Variants in OASL observed in about 807,000 individuals in gnomAD.
OASL encodes the protein 2'-5'-oligoadenylate synthase-like protein.
OASL carries 28 observed loss-of-function variants against 35.3 expected under a neutral mutation model. The ratio of observed to expected loss-of-function variants is 0.79; its 90% confidence interval spans 0.59 to 1.09. The LOEUF is 1.09. Among genes scored for constraint, OASL ranks in the 50% least tolerant of loss-of-function variants. The pLI is 0.00. For missense variants in OASL, 620 were observed against 635.2 expected (o/e 0.98, Z 0.26); for synonymous variants, 252 against 254.6 (o/e 0.99, Z 0.10).
At chr12:121,025,074 G>T (rs1869426005) in intron 4 of OASL, among the ~76,000 whole-genome samples, 1 of 147,438 alleles carries the variant, frequency 6.8e-6, no homozygotes, top group Non-Finnish European at 1.5e-5. Flanking sequence ...CACCTCCCGG[G>T]TTCAGCCAAT....
intron 5 of OASL, among the ~76,000 whole-genome samples, chr12:121,022,500 G>A (rs760030616): frequency 6.6e-5 from 10 of 152,216 alleles, no homozygotes; most frequent in South Asian, 4.1e-4. Context: ...GATTACAGGC[G>A]TGCGCCACTG....
At chr12:121,024,682 A>G (rs972785525) in intron 4 of OASL, among the ~76,000 whole-genome samples, 3 of 151,982 alleles carry the variant, frequency 2.0e-5, no homozygotes, top group Non-Finnish European at 4.4e-5. Context: ...TAGGGGGAGA[A>G]TGAGGCCCCA....
At chr12:121,029,768 A>G (rs576231255) in intron 3 of OASL, among the ~76,000 whole-genome samples, 31 of 152,298 alleles carry the variant, frequency 2.0e-4, no homozygotes, top group African/African-American at 7.0e-4. Flanking sequence ...TTTGTAAACC[A>G]TAACTAATAA....
At chr12:121,027,647 G>A (rs763320516) in exon 4 of OASL, 7 of 1,614,198 alleles carry the variant, frequency 4.3e-6, no homozygotes, top group South Asian at 3.3e-5. Flanking sequence ...ACTTGGTCCA[G>A]TAGATACAGA....
intron 5 of OASL, among the ~76,000 whole-genome samples, chr12:121,022,321 G>A (rs1869278326): frequency 6.6e-6 from 1 of 152,132 alleles, no homozygotes; most frequent in Admixed American, 6.5e-5. Flanking sequence ...TCTTGACCTC[G>A]TGATCTGCCC....
chr12:121,033,340 A>T, intron 2 of OASL, 121 bp downstream of exon 2: 1 of 992,318 alleles, frequency 1.0e-6, no homozygotes, highest in Non-Finnish European at 1.5e-6. Context: ...CCCCAAGCAT[A>T]GGACACAGAT....
intron 1 of OASL, among the ~76,000 whole-genome samples, chr12:121,033,969 C>T (rs755221277): frequency 6.6e-6 from 1 of 152,082 alleles, no homozygotes; most frequent in Non-Finnish European, 1.5e-5. Context: ...TTGACACTTC[C>T]CTGTTTCTTA....
At chr12:121,025,723 C>T (rs142621142) in intron 4 of OASL, among the ~76,000 whole-genome samples, 3 of 150,662 alleles carry the variant, frequency 2.0e-5, no homozygotes, top group East Asian at 3.9e-4. Context: ...GATCGTGCCA[C>T]TGAACTCCAG....
At chr12:121,033,641 G>C in exon 2 of OASL, 1 of 1,614,142 alleles carries the variant, frequency 6.2e-7, no homozygotes, top group Non-Finnish European at 8.5e-7. Flanking sequence ...ACATCTTTGT[G>C]ATGCTTGGCT....
At chr12:121,023,709 A>T (rs563048740) in intron 5 of OASL, 1 of 324,094 alleles carries the variant, frequency 3.1e-6, no homozygotes, top group Admixed American at 4.1e-5. Context: ...GGCTGGACCC[A>T]ACTCACGCAA....
Position 121,023,985 on chromosome 12 carries a change from A to G in OASL, c.1047+5T>C, listed in dbSNP as rs200933224. 35 of 1,614,008 alleles carry G rather than the reference A, an allele frequency of 2.2e-5. No individual in the cohort carries two copies. In the Admixed American group the frequency reaches 3.3e-4, roughly 15 times the overall value. On this transcript the variant is annotated splice_donor_5th_base_variant and intron_variant, in intron 5 of 5. Transcript: ENST00000257570. ...GCCCTTGACAGCCCAGAGAGGAGCC[A>G]TTACCTTCACGTTCCAGCTGGAGAT... is the stretch of plus-strand genomic sequence containing the variant.
At chr12:121,022,580 G>T (rs574340411) in intron 5 of OASL, among the ~76,000 whole-genome samples, 3 of 152,160 alleles carry the variant, frequency 2.0e-5, no homozygotes, top group Non-Finnish European at 4.4e-5. Context: ...CCATGGGTGG[G>T]CCTCCTCATT....
At position 121,032,215 on chromosome 12, in the gene OASL, C is replaced by T. The variant is rs141656979; in HGVS notation, c.482-598G>A. On this transcript the variant is annotated intron_variant, in intron 2 of 5. Coordinates refer to ENST00000257570, the Ensembl canonical transcript of OASL. ...CTCAAAAAATATATATATATATAAACTCATAGGGAGAACCAGGAACCAGTT... is the reference window on the plus strand; with the variant it reads ...CTCAAAAAATATATATATATATAAATTCATAGGGAGAACCAGGAACCAGTT... Among the ~76,000 whole-genome samples the T allele has an allele frequency of 1.4e-3, 210 of 149,798 alleles. 1 individual carries two copies. Among genetic ancestry groups the T allele is most frequent in the Non-Finnish European group, 2.6e-3 (174 of 67,164 alleles).
At chr12:121,020,782 C>A in exon 6 of OASL, 1 of 1,614,084 alleles carries the variant, frequency 6.2e-7, no homozygotes, top group Non-Finnish European at 8.5e-7. Context: ...CTCCCACCAT[C>A]AGGATTCTTC....
chr12:121,031,297 T>C (rs1869718477), intron 3 of OASL, 145 bp downstream of exon 3: 2 of 730,894 alleles, frequency 2.7e-6, no homozygotes, highest in South Asian at 1.9e-5. Flanking sequence ...GGTTTCACTT[T>C]ACATTTCAAA....
At chr12:121,024,640 T>G (rs1869406400) in intron 4 of OASL, among the ~76,000 whole-genome samples, 1 of 151,936 alleles carries the variant, frequency 6.6e-6, no homozygotes, top group Non-Finnish European at 1.5e-5. Flanking sequence ...TCTTCTTCTT[T>G]GGGATAGTGC....
intron 1 of OASL, among the ~76,000 whole-genome samples, chr12:121,038,473 C>T (rs1870042041): frequency 6.6e-6 from 1 of 152,222 alleles, no homozygotes; most frequent in South Asian, 2.1e-4. Flanking sequence ...TCTGAGCCTC[C>T]ATTTGCTAAT....
At chr12:121,031,546 C>G in exon 3 of OASL, 5 of 1,614,016 alleles carry the variant, frequency 3.1e-6, no homozygotes, top group Non-Finnish European at 4.2e-6. Flanking sequence ...CAGAAATTTC[C>G]AGGACCACCG....
chr12:121,031,598 G>C, exon 3 of OASL: 6 of 1,613,442 alleles, frequency 3.7e-6, no homozygotes, highest in Non-Finnish European at 5.1e-6. Context: ...GGGGTGGCTG[G>C]GAGTTGGGAA....
Sources: gnomAD v4.1 joint callset for allele counts (sites outside exome capture counted in the v4.1 genomes callset) on GRCh38, gnomAD v4.1.1 for gene constraint, MANE v1.5 for transcripts, NCBI Gene and HGNC (gene_info 2026-07-23, HGNC 2026-07-21) for gene names.